Variants in ENOX2 observed in about 807,000 individuals in gnomAD.
ENOX2 encodes the protein APK1 antigen.
Under a neutral mutation model 45.0 loss-of-function variants are expected in ENOX2, and 36 were observed. The observed-to-expected ratio is 0.80, with a 90% CI of 0.61 to 1.06. The LOEUF (loss-of-function observed/expected upper bound fraction) is 1.06. ENOX2 is among the 50% of genes least tolerant of loss of function. The pLI is 0.00. For synonymous variants in ENOX2, 174 were observed against 152.3 expected (o/e 1.14, Z -1.05); for missense variants, 423 against 462.5 (o/e 0.91, Z 0.78).
At chrX:130,697,221 C>T (rs1273379391) in intron 4 of ENOX2, among the ~76,000 whole-genome samples, 1 of 111,143 alleles carries the variant, frequency 9.0e-6, no homozygotes, top group Admixed American at 9.6e-5. Flanking sequence ...CCTATATATA[C>T]CTGGACACCT....
chrX:130,756,208 T>C (rs1412080302), intron 3 of ENOX2, among the ~76,000 whole-genome samples: 2 of 112,280 alleles, frequency 1.8e-5, no homozygotes, highest in Non-Finnish European at 3.8e-5. Flanking sequence ...TATCAGACAG[T>C]TGGCGTAGGT....
intron 2 of ENOX2, among the ~76,000 whole-genome samples, chrX:130,886,395 T>G (rs1466201420): frequency 8.9e-6 from 1 of 112,738 alleles, no homozygotes; most frequent in East Asian, 2.8e-4. Context: ...GAACTAAGCT[T>G]CTGTTCTGTG....
At chrX:130,641,024 GAAGA>G (rs200813569) in intron 10 of ENOX2, among the ~76,000 whole-genome samples, 768 of 112,091 alleles carry the variant, frequency 6.9e-3, no homozygotes, top group African/African-American at 0.023. Flanking sequence ...CCTGGAAGGA[GAAGA>G]AAGAAAGAAA....
intron 3 of ENOX2, among the ~76,000 whole-genome samples, chrX:130,781,753 C>T (rs1348098022): frequency 9.0e-6 from 1 of 111,147 alleles, no homozygotes; most frequent in African/African-American, 3.3e-5. Context: ...ACTAATCTGG[C>T]ACATCAGCTT....
At chrX:130,869,324 C>T (rs576987347) in intron 2 of ENOX2, among the ~76,000 whole-genome samples, 8 of 111,302 alleles carry the variant, frequency 7.2e-5, no homozygotes, top group East Asian at 2.8e-4. Flanking sequence ...ACATTTGAAA[C>T]GCCAGCTTAA....
intron 2 of ENOX2, among the ~76,000 whole-genome samples, chrX:130,801,335 G>C (rs759987971): frequency 4.4e-4 from 49 of 112,017 alleles, no homozygotes; most frequent in African/African-American, 1.5e-3. Context: ...AGAAGCTTCT[G>C]TATTTCCAAA....
At chrX:130,870,458 C>T (rs1008136170) in intron 2 of ENOX2, among the ~76,000 whole-genome samples, 2 of 111,682 alleles carry the variant, frequency 1.8e-5, no homozygotes, top group African/African-American at 6.5e-5. Flanking sequence ...GTGGGAACAT[C>T]TGTTTGTTAT....
intron 2 of ENOX2, among the ~76,000 whole-genome samples, chrX:130,827,863 A>T (rs1051445862): frequency 9.0e-6 from 1 of 111,655 alleles, no homozygotes; most frequent in African/African-American, 3.2e-5. Context: ...TAAATACACA[A>T]ATACTGGTAT....
chrX:130,676,415 A>T (rs1397757315), intron 6 of ENOX2, among the ~76,000 whole-genome samples: 1 of 111,587 alleles, frequency 9.0e-6, no homozygotes, highest in Non-Finnish European at 1.9e-5. Context: ...TCAGGGGGAC[A>T]GATTCAAATT....
chrX:130,717,331 C>T (rs1444932575), intron 3 of ENOX2, among the ~76,000 whole-genome samples: 1 of 112,220 alleles, frequency 8.9e-6, no homozygotes, highest in Admixed American at 9.4e-5. Context: ...GCCCATAAAT[C>T]CATGGTTACA....
chrX:130,775,913 T>C (rs1339487520), intron 3 of ENOX2, among the ~76,000 whole-genome samples: 1 of 111,396 alleles, frequency 9.0e-6, no homozygotes, highest in Non-Finnish European at 1.9e-5. Flanking sequence ...TTTAAGTTGC[T>C]TTCCCCATTA....
chrX:130,691,862 A>T (rs2037606746), intron 4 of ENOX2, among the ~76,000 whole-genome samples: 1 of 113,036 alleles, frequency 8.8e-6, no homozygotes, highest in South Asian at 3.6e-4. Context: ...GTCTACTAAT[A>T]AATGGAGACA....
At chrX:130,733,699 C>T (rs2038793689) in intron 3 of ENOX2, among the ~76,000 whole-genome samples, 1 of 112,243 alleles carries the variant, frequency 8.9e-6, no homozygotes, top group South Asian at 3.7e-4. Flanking sequence ...AGAAAGATTA[C>T]ATATTGTATG....
intron 11 of ENOX2, among the ~76,000 whole-genome samples, chrX:130,636,770 A>C (rs931381128): frequency 1.8e-5 from 2 of 112,335 alleles, no homozygotes; most frequent in African/African-American, 6.5e-5. Context: ...ACACTTAAAA[A>C]CCTATAATGT....
At chrX:130,754,783 G>A (rs979582657) in intron 3 of ENOX2, among the ~76,000 whole-genome samples, 1 of 111,006 alleles carries the variant, frequency 9.0e-6, no homozygotes, top group Non-Finnish European at 1.9e-5. Flanking sequence ...AAAACTACCT[G>A]TTGGGTACCA....
intron 14 of ENOX2, among the ~76,000 whole-genome samples, chrX:130,626,418 A>G (rs2035548009): frequency 8.9e-6 from 1 of 112,567 alleles, no homozygotes; most frequent in African/African-American, 3.2e-5. Context: ...GGTCTGAAAT[A>G]TGTGCCCAAC....
intron 3 of ENOX2, among the ~76,000 whole-genome samples, chrX:130,756,419 T>C (rs2039356823): frequency 8.9e-6 from 1 of 112,263 alleles, no homozygotes; most frequent in South Asian, 3.7e-4. Context: ...ATGTTATATC[T>C]TGCCTCAGAA....
At chrX:130,730,792 C>T (rs1242766861) in intron 3 of ENOX2, among the ~76,000 whole-genome samples, 6 of 110,950 alleles carry the variant, frequency 5.4e-5, no homozygotes, top group Non-Finnish European at 1.1e-4. Context: ...TTCCAGGTCA[C>T]AGGTAGATTT....
chrX:130,784,251 C>T (rs1176330763), intron 2 of ENOX2, among the ~76,000 whole-genome samples: 1 of 111,574 alleles, frequency 9.0e-6, no homozygotes, highest in Non-Finnish European at 1.9e-5. Flanking sequence ...GGAATTATGA[C>T]CTAGATTTCG....
Sources: gnomAD v4.1 joint callset for allele counts (sites outside exome capture counted in the v4.1 genomes callset) on GRCh38, gnomAD v4.1.1 for gene constraint, MANE v1.5 for transcripts, NCBI Gene and HGNC (gene_info 2026-07-23, HGNC 2026-07-21) for gene names.